The following ACTR3C variants were observed in gnomAD, a reference collection of about 807,000 sequenced individuals.
The protein encoded by ACTR3C is actin related protein 3C, also known as actin-related protein 3C.
A neutral mutation model predicts 26.3 loss-of-function variants in ACTR3C; 18 were observed. The observed-to-expected ratio is 0.68, with a 90% confidence interval of 0.47 to 1.01. The LOEUF is 1.01. Ranked by LOEUF, ACTR3C falls within the 50% of genes least tolerant of loss-of-function variation. ACTR3C has a pLI of 0.00. For missense variants in ACTR3C, 184 were observed against 250.7 expected (o/e 0.73, Z 1.80); for synonymous variants, 55 against 94.5 (o/e 0.58, Z 2.42).
At chr7:150,303,390 G>A (rs1435729074) in intron 1 of ACTR3C, among the ~76,000 whole-genome samples, 1 of 152,170 alleles carries the variant, frequency 6.6e-6, no homozygotes, top group Non-Finnish European at 1.5e-5. Context: ...CCAGAGAGCT[G>A]CCATATCAGC....
At chr7:149,971,665 C>A in the ACTR3C span, among the ~76,000 whole-genome samples, 1 of 152,196 alleles carries the variant, frequency 6.6e-6, no homozygotes, top group African/African-American at 2.4e-5. Context: ...TAGTTTGCAT[C>A]CTGCTGTGTT....
the ACTR3C span, among the ~76,000 whole-genome samples, chr7:149,924,428 A>AAAAC: frequency 5.9e-5 from 9 of 152,148 alleles, no homozygotes; most frequent in South Asian, 4.1e-4. Context: ...ACAATAAGTG[A>AAAAC]AAACAAACAA....
At chr7:150,047,985 C>T in the ACTR3C span, 3 of 1,193,604 alleles carry the variant, frequency 2.5e-6, no homozygotes, top group Non-Finnish European at 3.2e-6. Flanking sequence ...CAAGGCAAGC[C>T]CAGCGCCGGC....
chr7:150,319,144 G>A (rs140039751), intron 1 of ACTR3C, among the ~76,000 whole-genome samples: 142 of 152,130 alleles, frequency 9.3e-4, no homozygotes, highest in African/African-American at 3.4e-3. Flanking sequence ...GAAAATCCCC[G>A]GTTCCAAGTC....
At chr7:149,914,681 A>T in the ACTR3C span, among the ~76,000 whole-genome samples, 12 of 151,594 alleles carry the variant, frequency 7.9e-5, no homozygotes, top group Admixed American at 7.9e-4. Flanking sequence ...TTAGGAACAG[A>T]TGATGGGAGA....
At chr7:150,188,978 T>C in the ACTR3C span, among the ~76,000 whole-genome samples, 4 of 143,358 alleles carry the variant, frequency 2.8e-5, no homozygotes, top group Non-Finnish European at 4.4e-5. Flanking sequence ...ATGTATATAT[T>C]TGTAATGCCC....
the ACTR3C span, among the ~76,000 whole-genome samples, chr7:150,222,741 C>A: frequency 4.2e-3 from 641 of 152,280 alleles, 22 homozygotes; most frequent in Admixed American, 0.031. Flanking sequence ...AGCTTGAACA[C>A]TTTGCACAGA....
the ACTR3C span, among the ~76,000 whole-genome samples, chr7:150,229,753 C>T: frequency 1.3e-5 from 2 of 150,626 alleles, no homozygotes; most frequent in Non-Finnish European, 2.9e-5. Flanking sequence ...GCCTCAGGCT[C>T]CCAAAGTGCT....
chr7:150,035,231 G>A, the ACTR3C span, among the ~76,000 whole-genome samples: 1 of 102,184 alleles, frequency 9.8e-6, no homozygotes, highest in Admixed American at 9.1e-5. Flanking sequence ...TGCCATGGGG[G>A]TCCTAAGAGC....
chr7:149,895,865 T>A, the ACTR3C span, among the ~76,000 whole-genome samples: 212 of 151,674 alleles, frequency 1.4e-3, no homozygotes, highest in Non-Finnish European at 2.1e-3. Flanking sequence ...ATTAAAAAAA[T>A]TTTTAAAATC....
At chr7:150,017,730 A>G in the ACTR3C span, among the ~76,000 whole-genome samples, 79,548 of 148,458 alleles carry the variant, frequency 0.54, 22,596 homozygotes, top group East Asian at 0.64. Flanking sequence ...CAAAGGGGCC[A>G]TGCTTGTTCC....
chr7:149,959,535 T>C, the ACTR3C span, among the ~76,000 whole-genome samples: 2,091 of 152,214 alleles, frequency 0.014, 50 homozygotes, highest in African/African-American at 0.048. Flanking sequence ...GAGAAAGGCA[T>C]GTACAGGCAG....
chr7:150,091,806 C>T, the ACTR3C span, among the ~76,000 whole-genome samples: 1 of 150,140 alleles, frequency 6.7e-6, no homozygotes, highest in Non-Finnish European at 1.5e-5. Flanking sequence ...CACGGTGAAA[C>T]ACCGTCTCTA....
chr7:150,184,125 T>G, the ACTR3C span, among the ~76,000 whole-genome samples: 1 of 150,820 alleles, frequency 6.6e-6, no homozygotes, highest in South Asian at 2.1e-4. Flanking sequence ...ACACTATTTC[T>G]TGCTTTGTGT....
chr7:150,263,266 T>C (rs1227980619), intron 6 of ACTR3C, among the ~76,000 whole-genome samples: 3 of 152,130 alleles, frequency 2.0e-5, no homozygotes, highest in Non-Finnish European at 2.9e-5. Flanking sequence ...AGATGTTCTG[T>C]GAGTAATAAA....
At chr7:150,158,804 GCACA>G in the ACTR3C span, among the ~76,000 whole-genome samples, 1 of 151,560 alleles carries the variant, frequency 6.6e-6, no homozygotes, top group South Asian at 2.1e-4. Context: ...ACACACACAC[GCACA>G]CACACAGGCA....
intron 6 of ACTR3C, among the ~76,000 whole-genome samples, chr7:150,280,236 C>T (rs948085693): frequency 3.9e-5 from 6 of 152,146 alleles, no homozygotes; most frequent in African/African-American, 1.4e-4. Context: ...GTCCATTTTA[C>T]AGCTCCTGGA....
At chr7:150,310,967 C>T (rs551625533) in intron 1 of ACTR3C, among the ~76,000 whole-genome samples, 8 of 152,290 alleles carry the variant, frequency 5.3e-5, no homozygotes, top group South Asian at 2.1e-4. Flanking sequence ...AACATACATG[C>T]GCTCTTCCTG....
At chr7:150,090,465 A>G in the ACTR3C span, among the ~76,000 whole-genome samples, 1 of 152,154 alleles carries the variant, frequency 6.6e-6, no homozygotes, top group Non-Finnish European at 1.5e-5. Context: ...GGAGAAGTTA[A>G]GCTGATTTGT....
Sources: gnomAD v4.1 joint callset for allele counts (sites outside exome capture counted in the v4.1 genomes callset) on GRCh38, gnomAD v4.1.1 for gene constraint, MANE v1.5 for transcripts, NCBI Gene and HGNC (gene_info 2026-07-23, HGNC 2026-07-21) for gene names.